Variants in EPHB1 observed in about 807,000 individuals in gnomAD.
The protein encoded by EPHB1 is EPH receptor B1, also known as ephrin type-B receptor 1.
EPHB1 carries 30 observed loss-of-function variants against 94.4 expected under a neutral mutation model. The observed-to-expected ratio is 0.32, with a 90% CI of 0.24 to 0.43. The LOEUF is 0.43. EPHB1 is among the 20% of genes least tolerant of loss of function. EPHB1 has a pLI of 1.00. For missense variants in EPHB1, 1,055 were observed against 1,308.3 expected, an observed-to-expected ratio of 0.81 and a Z score of 2.99; for synonymous variants, 522 against 489.1, an observed-to-expected ratio of 1.07 and a Z score of -0.89.
chr3:135,028,283 C>T (rs1433681859), intron 3 of EPHB1, among the ~76,000 whole-genome samples: 1 of 145,766 alleles, frequency 6.9e-6, no homozygotes, highest in Non-Finnish European at 1.5e-5. Flanking sequence ...AATGTGTTTG[C>T]TCTTGCTTTT....
At chr3:134,865,677 G>T (rs921625098) in intron 1 of EPHB1, among the ~76,000 whole-genome samples, 1 of 149,258 alleles carries the variant, frequency 6.7e-6, no homozygotes, top group African/African-American at 2.5e-5. Flanking sequence ...AAGAAAGAAA[G>T]AAAGGGGCAC....
At chr3:135,095,634 C>T (rs1170748721) in intron 3 of EPHB1, among the ~76,000 whole-genome samples, 1 of 152,126 alleles carries the variant, frequency 6.6e-6, no homozygotes, top group Non-Finnish European at 1.5e-5. Context: ...CTCAGGCTGC[C>T]CCTCCAAGCG....
intron 2 of EPHB1, among the ~76,000 whole-genome samples, chr3:134,944,475 T>C (rs1302264558): frequency 6.6e-6 from 1 of 152,198 alleles, no homozygotes; most frequent in African/African-American, 2.4e-5. Flanking sequence ...AGCTTACTCC[T>C]CATATAAAGA....
In EPHB1 at chr3:134,807,540, T is replaced by A. The variant is rs1264542519; in HGVS notation, c.58+11851T>A. On this transcript the variant is annotated intron_variant, in intron 1 of 15. Transcript: ENST00000398015. Reference sequence around the variant, plus strand: ...GTGTGTGTGTGCACGTGTGTGTGTGTGAGAGAGAGAGGGGAGAGAGAGAGA... The same window carrying A: ...GTGTGTGTGTGCACGTGTGTGTGTGAGAGAGAGAGAGGGGAGAGAGAGAGA... Among the ~76,000 whole-genome samples the A allele has an allele frequency of 0.022, 114 of 5,098 alleles. 1 individual carries two copies. The East Asian group carries it at 0.25, about 11-fold the overall frequency. The allele number at this position is 5,098 out of a possible 152,430, so 3.3% of individuals were successfully genotyped here. A position where few individuals can be genotyped will look rare whatever the true frequency, so the allele number is the denominator to read the frequency against.
At chr3:135,144,076 T>C (rs1559849620) in intron 5 of EPHB1, among the ~76,000 whole-genome samples, 1 of 152,104 alleles carries the variant, frequency 6.6e-6, no homozygotes, top group Non-Finnish European at 1.5e-5. Context: ...TGTAACTCAA[T>C]GTCCCCACCC....
chr3:134,881,576 C>G (rs944664189), intron 1 of EPHB1, among the ~76,000 whole-genome samples: 1 of 152,130 alleles, frequency 6.6e-6, no homozygotes, highest in Non-Finnish European at 1.5e-5. Flanking sequence ...AGCTGTAGAG[C>G]TGGGTTGAAA....
intron 3 of EPHB1, among the ~76,000 whole-genome samples, chr3:135,099,262 A>G (rs184762195): frequency 3.3e-5 from 5 of 152,204 alleles, no homozygotes; most frequent in African/African-American, 1.2e-4. Context: ...GGCAACACCT[A>G]TTATCCATCT....
At chr3:134,914,487 G>T (rs1188061175) in intron 1 of EPHB1, among the ~76,000 whole-genome samples, 3 of 152,140 alleles carry the variant, frequency 2.0e-5, no homozygotes, top group Admixed American at 2.0e-4. Context: ...CACACCCAAG[G>T]CTATCAGATC....
intron 3 of EPHB1, among the ~76,000 whole-genome samples, chr3:134,997,329 A>G (rs1935027734): frequency 6.6e-6 from 1 of 152,200 alleles, no homozygotes. Context: ...TTTCCAGGAT[A>G]TGTCTGGGGT....
chr3:135,144,550 C>T (rs769503550), intron 5 of EPHB1, among the ~76,000 whole-genome samples: 3 of 152,154 alleles, frequency 2.0e-5, no homozygotes, highest in Non-Finnish European at 4.4e-5. Context: ...GAATGCCACC[C>T]CACCCTCAAA....
In EPHB1 at chr3:135,013,744, A is replaced by G. The variant is rs370275582; in HGVS notation, c.805+61692A>G. Among the ~76,000 whole-genome samples the G allele has an allele frequency of 8.1e-4, 124 of 152,360 alleles. 2 individuals are homozygous for G. The South Asian group carries it at 0.025, about 31-fold the overall frequency. On this transcript the variant is annotated intron_variant, in intron 3 of 15. Transcript: ENST00000398015. Reference sequence around the variant, plus strand: ...CAACCTCCCTTGGTAACCAGAGGCTAAAGTTACAACTGCAACAGTGTTTCC... The same window carrying G: ...CAACCTCCCTTGGTAACCAGAGGCTGAAGTTACAACTGCAACAGTGTTTCC...
intron 1 of EPHB1, among the ~76,000 whole-genome samples, chr3:134,905,042 C>T (rs2038289477): frequency 6.6e-6 from 1 of 152,164 alleles, no homozygotes; most frequent in Non-Finnish European, 1.5e-5. Flanking sequence ...GGGCATGATT[C>T]CACAGCACTG....
chr3:134,799,120 C>G (rs1406050563), intron 1 of EPHB1, among the ~76,000 whole-genome samples: 1 of 152,162 alleles, frequency 6.6e-6, no homozygotes, highest in Non-Finnish European at 1.5e-5. Context: ...ATTACTGTGC[C>G]CCTTTGTGGC....
intron 1 of EPHB1, among the ~76,000 whole-genome samples, chr3:134,806,269 G>A (rs2036041438): frequency 6.6e-6 from 1 of 152,180 alleles, no homozygotes; most frequent in Admixed American, 6.5e-5. Flanking sequence ...GTCATAGAAG[G>A]CAACACAGTT....
chr3:135,192,953 T>A, intron 11 of EPHB1, 130 bp downstream of exon 11: 1 of 1,251,928 alleles, frequency 8.0e-7, no homozygotes, highest in Non-Finnish European at 1.1e-6. Context: ...TTGGAGATGT[T>A]AGCAGAGATT....
At chr3:135,062,549 C>A (rs917084353) in intron 3 of EPHB1, among the ~76,000 whole-genome samples, 2 of 151,212 alleles carry the variant, frequency 1.3e-5, no homozygotes, top group African/African-American at 4.9e-5. Context: ...TTTTTTCTTG[C>A]TGATTTGTTT....
intron 1 of EPHB1, among the ~76,000 whole-genome samples, chr3:134,904,472 G>A (rs1441184850): frequency 1.3e-5 from 2 of 152,148 alleles, no homozygotes; most frequent in African/African-American, 4.8e-5. Flanking sequence ...TGTGTCTGTG[G>A]TCTGTGGTCT....
intron 1 of EPHB1, among the ~76,000 whole-genome samples, chr3:134,873,950 G>C (rs1043544351): frequency 1.2e-4 from 19 of 152,144 alleles, no homozygotes; most frequent in African/African-American, 4.6e-4. Flanking sequence ...ACTGAGAAAG[G>C]AGAATGGGGA....
chr3:134,807,499 GT>G (rs2036086968), intron 1 of EPHB1, among the ~76,000 whole-genome samples: 1 of 102,580 alleles, frequency 9.7e-6, no homozygotes, highest in Admixed American at 1.0e-4. Context: ...GAAGGAGTGT[GT>G]GTGTGTGTGT....
Sources: gnomAD v4.1 joint callset for allele counts (sites outside exome capture counted in the v4.1 genomes callset) on GRCh38, gnomAD v4.1.1 for gene constraint, MANE v1.5 for transcripts, NCBI Gene and HGNC (gene_info 2026-07-23, HGNC 2026-07-21) for gene names.